Variants in SCD5 observed in about 807,000 individuals in gnomAD.
SCD5 encodes the protein stearoyl-CoA desaturase 5, also known as acyl-CoA-desaturase 4.
In SCD5, 20 loss-of-function variants were observed where a neutral mutation model predicts 30.4. The ratio of observed to expected loss-of-function variants is 0.66; its 90% confidence interval spans 0.46 to 0.96. SCD5 has a LOEUF of 0.96. Among genes scored for constraint, SCD5 ranks in the 40% least tolerant of loss-of-function variants. The pLI, the probability that SCD5 is intolerant of heterozygous loss-of-function variation, is 0.00. For synonymous variants in SCD5, 173 were observed against 176.4 expected, an observed-to-expected ratio of 0.98 and a Z score of 0.16; for missense variants, 381 against 443.3, an observed-to-expected ratio of 0.86 and a Z score of 1.26.
chr4:82,693,623 T>C (rs1719614831), intron 2 of SCD5, among the ~76,000 whole-genome samples: 1 of 152,188 alleles, frequency 6.6e-6, no homozygotes, highest in Non-Finnish European at 1.5e-5. Context: ...CTCATTATTA[T>C]GTTCTAAAGG....
chr4:82,637,346 G>A (rs912584746), intron 3 of SCD5, among the ~76,000 whole-genome samples: 5 of 152,156 alleles, frequency 3.3e-5, no homozygotes, highest in African/African-American at 7.2e-5. Flanking sequence ...CAGAGATTAC[G>A]TTCCAAACCA....
chr4:82,700,468 C>T (rs1719805183), intron 2 of SCD5, among the ~76,000 whole-genome samples: 1 of 151,958 alleles, frequency 6.6e-6, no homozygotes, highest in African/African-American at 2.4e-5. Flanking sequence ...TCCCTCCTTA[C>T]CTATAAAGGA....
chr4:82,711,130 C>G (rs144093728), intron 1 of SCD5, among the ~76,000 whole-genome samples: 2 of 152,114 alleles, frequency 1.3e-5, no homozygotes, highest in South Asian at 4.2e-4. Context: ...GCAGTAAGCA[C>G]CGGCACATAT....
intron 3 of SCD5, among the ~76,000 whole-genome samples, chr4:82,659,261 T>C (rs1727934266): frequency 6.6e-6 from 1 of 152,214 alleles, no homozygotes; most frequent in Admixed American, 6.5e-5. Flanking sequence ...GTCTATTTTG[T>C]TAATCTTTTC....
chr4:82,763,527 G>T (rs1721422501), intron 1 of SCD5, among the ~76,000 whole-genome samples: 1 of 152,128 alleles, frequency 6.6e-6, no homozygotes, highest in Non-Finnish European at 1.5e-5. Flanking sequence ...AAGTGATTAA[G>T]TTAAAATTAG....
intron 1 of SCD5, among the ~76,000 whole-genome samples, chr4:82,771,593 T>G (rs1721623883): frequency 6.6e-6 from 1 of 152,160 alleles, no homozygotes; most frequent in Non-Finnish European, 1.5e-5. Flanking sequence ...TTGCTTAAAA[T>G]CACACAGTTT....
chr4:82,775,320 AGTTCAATGGCTT>A (rs932858242), intron 1 of SCD5: 9 of 152,356 alleles, frequency 5.9e-5, no homozygotes, highest in African/African-American at 1.7e-4. Context: ...ATGGAAGCTC[AGTTCAATGGCTT>A]GTTCAATGGC....
rs192352163 is a variant in SCD5 at position 82,675,679 on chromosome 4, T to C, written c.569+5028A>G. On this transcript the variant is annotated intron_variant, in intron 3 of 4. Coordinates refer to ENST00000319540, the MANE Select transcript of SCD5 (RefSeq NM_001037582.3). ...CTCTAGAGGAATGTCTTCCCTAAAA[T>C]GGGACTCAATGGAATAAGCAAAGCA... Among the ~76,000 whole-genome samples the C allele has an allele frequency of 1.4e-4, 22 of 152,312 alleles. No individual in the cohort carries two copies. In the East Asian group the frequency reaches 3.7e-3, roughly 25 times the overall value.
Position 82,783,694 on chromosome 4 carries a change from T to C in SCD5, c.232+14612A>G, listed in dbSNP as rs544180822. ...AGCGCATGCCTGTAATCCCAGCTAC[T>C]TGGCAGGCTGAGGCAGGAGAATCGC... On this transcript the variant is annotated intron_variant, in intron 1 of 4. Coordinates refer to ENST00000319540, the MANE Select transcript of SCD5 (RefSeq NM_001037582.3). Among the ~76,000 whole-genome samples, 25 of 151,834 alleles carry C rather than the reference T, an allele frequency of 1.6e-4. No homozygotes were observed. In the South Asian group the frequency reaches 1.7e-3, roughly 10 times the overall value.
At chr4:82,680,217 CACAGAA>C (rs1197724701) in intron 3 of SCD5, among the ~76,000 whole-genome samples, 2 of 152,202 alleles carry the variant, frequency 1.3e-5, no homozygotes, top group Admixed American at 1.3e-4. Context: ...ATTTTCTCTG[CACAGAA>C]ACCTACTAGT....
At chr4:82,719,443 A>G (rs1720308901) in intron 1 of SCD5, among the ~76,000 whole-genome samples, 5 of 151,854 alleles carry the variant, frequency 3.3e-5, no homozygotes, top group Admixed American at 3.3e-4. Context: ...TAATAAGTAC[A>G]TAATCATGAG....
chr4:82,629,763 C>T lies in SCD5; in HGVS notation c.*1564G>A, dbSNP rs1727249021. On this transcript the variant is annotated 3_prime_UTR_variant, in exon 5 of 5. Transcript: ENST00000319540. The stretch of plus-strand genomic sequence containing the variant: ...CTAACACTATAAGCCCTTTCTTTTG[C>T]TCTAACATCTAACACAAAGGGCACA... 6.6e-6 allele frequency: 1 copy of T among 152,142 alleles called. No individual in the cohort carries two copies. Among genetic ancestry groups the T allele is most frequent in the East Asian group, 1.9e-4 (1 of 5,198 alleles). The allele number at this position is 152,142 out of a possible 1,614,324, so 9.4% of individuals were successfully genotyped here. A position where few individuals can be genotyped will look rare whatever the true frequency, so the allele number is the denominator to read the frequency against.
At chr4:82,754,152 C>T (rs1266213504) in intron 1 of SCD5, among the ~76,000 whole-genome samples, 2 of 152,100 alleles carry the variant, frequency 1.3e-5, no homozygotes, top group African/African-American at 4.8e-5. Flanking sequence ...ACTTATCTCC[C>T]CGTTTTGCAG....
intron 1 of SCD5, among the ~76,000 whole-genome samples, chr4:82,743,589 C>T (rs1315987361): frequency 1.3e-5 from 2 of 152,024 alleles, no homozygotes; most frequent in Admixed American, 1.3e-4. Flanking sequence ...CGTGCAATCA[C>T]GGGCTCACCG....
chr4:82,789,508 G>C (rs1033705381), intron 1 of SCD5, among the ~76,000 whole-genome samples: 5 of 152,232 alleles, frequency 3.3e-5, no homozygotes, highest in Non-Finnish European at 7.3e-5. Flanking sequence ...TCTCTAACAA[G>C]CTCCCAGGTG....
chr4:82,644,705 C>T (rs7676420), intron 3 of SCD5, among the ~76,000 whole-genome samples: 139,115 of 152,220 alleles, frequency 0.91, 63,642 homozygotes, highest in East Asian at 1. Flanking sequence ...ACCTCTTGGA[C>T]TGGTGCCCAT....
intron 1 of SCD5, among the ~76,000 whole-genome samples, chr4:82,713,791 C>T (rs778162345): frequency 3.9e-5 from 6 of 152,310 alleles, no homozygotes; most frequent in South Asian, 4.1e-4. Context: ...TATATTTCCC[C>T]GATCCATATG....
chr4:82,715,477 A>G (rs1424360681), intron 1 of SCD5, among the ~76,000 whole-genome samples: 4 of 151,322 alleles, frequency 2.6e-5, no homozygotes, highest in Non-Finnish European at 5.9e-5. Flanking sequence ...TAGATTAGGA[A>G]CTGGAAGGCC....
At chr4:82,682,390 T>TC (rs397695908) in intron 2 of SCD5, among the ~76,000 whole-genome samples, 3 of 151,804 alleles carry the variant, frequency 2.0e-5, no homozygotes, top group East Asian at 3.9e-4. Flanking sequence ...GACGTTTTTT[T>TC]ACACTAATTT....
Sources: gnomAD v4.1 joint callset for allele counts (sites outside exome capture counted in the v4.1 genomes callset) on GRCh38, gnomAD v4.1.1 for gene constraint, MANE v1.5 for transcripts, NCBI Gene and HGNC (gene_info 2026-07-23, HGNC 2026-07-21) for gene names.